Variants in DCAF17 observed in about 807,000 individuals in gnomAD.
DCAF17 encodes DDB1- and CUL4-associated factor 17.
In DCAF17, 48 loss-of-function variants were observed where a neutral mutation model predicts 66.0. That is an observed-to-expected ratio of 0.73 (90% CI 0.58 to 0.92). DCAF17 has a LOEUF of 0.92. Among genes scored for constraint, DCAF17 ranks in the 40% least tolerant of loss-of-function variants. DCAF17 has a pLI of 0.00. For synonymous variants in DCAF17, 206 were observed against 214.6 expected (o/e 0.96, Z 0.35); for missense variants, 562 against 622.8 (o/e 0.90, Z 1.04).
At chr2:171,443,421 C>T in intron 2 of DCAF17, 102 bp from the exon 3 acceptor site, 2 of 849,880 alleles carry the variant, frequency 2.4e-6, no homozygotes, top group Middle Eastern at 3.5e-4. Context: ...ATAAATTGTG[C>T]CTTGGTATTT....
chr2:171,449,293 C>A (rs973798810), intron 4 of DCAF17, among the ~76,000 whole-genome samples: 1 of 152,224 alleles, frequency 6.6e-6, no homozygotes, highest in Non-Finnish European at 1.5e-5. Context: ...CAGGCGTGAG[C>A]CATCGTGCCC....
intron 8 of DCAF17, among the ~76,000 whole-genome samples, chr2:171,466,865 C>A (rs1695934432): frequency 6.7e-6 from 1 of 150,372 alleles, no homozygotes; most frequent in Non-Finnish European, 1.5e-5. Flanking sequence ...GTATGTTTTT[C>A]TTTTAATAAT....
At chr2:171,436,964 G>C (rs1404815178) in intron 2 of DCAF17, among the ~76,000 whole-genome samples, 1 of 151,918 alleles carries the variant, frequency 6.6e-6, no homozygotes, top group Non-Finnish European at 1.5e-5. Flanking sequence ...GGTAGAGACC[G>C]GGTTTCTCCA....
intron 8 of DCAF17, among the ~76,000 whole-genome samples, chr2:171,460,670 A>G (rs539003683): frequency 1.6e-4 from 25 of 152,130 alleles, no homozygotes; most frequent in African/African-American, 5.8e-4. Flanking sequence ...AGCTGGGACT[A>G]CAGGTGCATG....
Position 171,483,996 on chromosome 2 carries a change from G to T in DCAF17, c.*2882G>T, listed in dbSNP as rs75894811. 2.2e-6 allele frequency: 1 copy of T among 453,516 alleles called. No homozygotes were observed. The highest frequency in any genetic ancestry group is 2.4e-5 in the Admixed American group (1 of 42,478). 28.1% of individuals were successfully genotyped at this position (453,516 alleles called of 1,614,324 possible). A position where few individuals can be genotyped will look rare whatever the true frequency, so the allele number is the denominator to read the frequency against. On this transcript the variant is annotated 3_prime_UTR_variant, in exon 14 of 14. Transcript: ENST00000375255. ...ATATGTAGGAAAGTGCTTAATAATCGTTTTTTACTGATGATTCAGTGTCTA... is the reference window on the plus strand; with the variant it reads ...ATATGTAGGAAAGTGCTTAATAATCTTTTTTTACTGATGATTCAGTGTCTA...
chr2:171,437,303 T>A (rs2105720113), intron 2 of DCAF17, among the ~76,000 whole-genome samples: 1 of 152,338 alleles, frequency 6.6e-6, no homozygotes, highest in East Asian at 1.9e-4. Context: ...TTTTTTAACA[T>A]GCAGCTATAC....
chr2:171,453,120 C>T lies in DCAF17; in HGVS notation c.538-4C>T, dbSNP rs775942372. 1.2e-6 allele frequency: 2 copies of T among 1,602,390 alleles called. No homozygotes were observed. Among genetic ancestry groups the T allele is most frequent in the South Asian group, 2.3e-5 (2 of 88,302 alleles). On this transcript the variant is annotated splice_region_variant and splice_polypyrimidine_tract_variant and intron_variant, in intron 5 of 13. Coordinates refer to ENST00000375255, the MANE Select transcript of DCAF17 (RefSeq NM_025000.4). Reference sequence around the variant, plus strand: ...CTGCGTGTAATTGTAGTCTTTCCTTCTAGGCAGGCATTCAACAACATGTTT... The same window carrying T: ...CTGCGTGTAATTGTAGTCTTTCCTTTTAGGCAGGCATTCAACAACATGTTT...
intron 11 of DCAF17, 86 bp downstream of exon 11, chr2:171,477,036 G>A (rs554752609): frequency 1.8e-6 from 2 of 1,088,542 alleles, no homozygotes; most frequent in East Asian, 2.5e-5. Context: ...GCCTTTGAGT[G>A]TAGCAGAAAA....
At chr2:171,479,488 C>T (rs962807832) in intron 12 of DCAF17, among the ~76,000 whole-genome samples, 2 of 152,138 alleles carry the variant, frequency 1.3e-5, no homozygotes, top group Admixed American at 6.5e-5. Flanking sequence ...AATATTCTCC[C>T]TCAAGTATAA....
intron 6 of DCAF17, among the ~76,000 whole-genome samples, chr2:171,457,751 G>A (rs904750583): frequency 9.2e-5 from 14 of 152,160 alleles, no homozygotes; most frequent in South Asian, 4.1e-4. Flanking sequence ...GATGTGTGCC[G>A]CACTTCCATT....
rs1226050897 is a variant in DCAF17, at chr2:171,483,133, G to T, written c.*2019G>T. 6 of 453,978 alleles carry T rather than the reference G, an allele frequency of 1.3e-5. No homozygotes were observed. Among genetic ancestry groups the T allele is most frequent in the Non-Finnish European group, 1.8e-5 (4 of 226,792 alleles). The allele number at this position is 453,978 out of a possible 1,614,324, so 28.1% of individuals were successfully genotyped here. ...GATAGCAAAGAATGTGGGGAATTTG[G>T]ATACCACACATAGCGAGAGACAATG... On this transcript the variant is annotated 3_prime_UTR_variant, in exon 14 of 14. Coordinates refer to ENST00000375255, the MANE Select transcript of DCAF17 (RefSeq NM_025000.4).
Position 171,473,898 on chromosome 2 carries a change from T to G in DCAF17, c.1014T>G (p.Cys338Trp). Reference sequence around the variant, plus strand: ...ATGGGATCCAAGAAATGGATTGTTGTTCTCTAGAATCTGACTGGATCTATT... The same window carrying G: ...ATGGGATCCAAGAAATGGATTGTTGGTCTCTAGAATCTGACTGGATCTATT... ...AKNGIQEMDC[C>W]SLESDWIYFH... Residue 338 changes from cysteine (C) to tryptophan (W), a missense_variant, in exon 10 of 14, where the codon TGT becomes TGG. Cys to Trp is a radical substitution (Grantham distance 215, BLOSUM62 -2). Coordinates refer to ENST00000375255, the MANE Select transcript of DCAF17 (RefSeq NM_025000.4). 1 of 1,613,868 alleles carries G rather than the reference T, an allele frequency of 6.2e-7. No individual in the cohort carries two copies. The highest frequency in any genetic ancestry group is 8.5e-7 in the Non-Finnish European group (1 of 1,179,860).
At chr2:171,472,234 C>T (rs949865158) in intron 9 of DCAF17, among the ~76,000 whole-genome samples, 1 of 152,180 alleles carries the variant, frequency 6.6e-6, no homozygotes, top group South Asian at 2.1e-4. Context: ...GGCTGGAGTG[C>T]AGTGGCACGA....
chr2:171,439,511 C>CTTTTTTTTTTTTTTTT (rs374646610), intron 2 of DCAF17, among the ~76,000 whole-genome samples: 1 of 94,774 alleles, frequency 1.1e-5, no homozygotes, highest in Non-Finnish European at 2.1e-5. Context: ...CTTTTTTTTC[C>CTTTTTTTTTTTTTTTT]TTTTTTTTTT....
In DCAF17 at chr2:171,458,054, C is replaced by A; in HGVS notation, c.711C>A (p.Ser237Arg). 1 of 1,613,978 alleles carries A rather than the reference C, an allele frequency of 6.2e-7. No individual in the cohort carries two copies. The highest frequency in any genetic ancestry group is 8.5e-7 in the Non-Finnish European group (1 of 1,179,914). The change falls in exon 7 of 14, where the codon AGC becomes AGA. Residue 237 changes from serine (S) to arginine (R), a missense_variant. Ser to Arg is a moderately radical substitution (Grantham distance 110). Transcript: ENST00000375255. The part of the protein sequence containing the change: ...MYSSGLVRLY[S>R]FQTIAEQFMQ... ...GCTCAGGACTGGTCAGACTCTATAGCTTCCAAACCATCGCTGAACAGGTAG... is the reference window on the plus strand; with the variant it reads ...GCTCAGGACTGGTCAGACTCTATAGATTCCAAACCATCGCTGAACAGGTAG...
intron 9 of DCAF17, among the ~76,000 whole-genome samples, chr2:171,470,552 T>G (rs1057273632): frequency 1.3e-5 from 2 of 152,296 alleles, no homozygotes; most frequent in Non-Finnish European, 1.5e-5. Context: ...ATCACATGGC[T>G]GCTCCTATTT....
chr2:171,436,645 T>G (rs1693979859), intron 2 of DCAF17, among the ~76,000 whole-genome samples: 1 of 152,108 alleles, frequency 6.6e-6, no homozygotes, highest in Non-Finnish European at 1.5e-5. Flanking sequence ...TTTTTTTTTT[T>G]TTTTTACAAA....
chr2:171,482,140 A>G lies in DCAF17; in HGVS notation c.*1026A>G, dbSNP rs1239965737. 1 of 448,172 alleles carries G rather than the reference A, an allele frequency of 2.2e-6. No individual in the cohort carries two copies. The highest frequency in any genetic ancestry group is 4.5e-6 in the Non-Finnish European group (1 of 224,396). The allele number at this position is 448,172 out of a possible 1,614,324, so 27.8% of individuals were successfully genotyped here. ...TTTAATAATCATTCTTTAGAATGTT[A>G]AATAAAGGCAACCCAAGTAAAGGGA... On this transcript the variant is annotated 3_prime_UTR_variant, in exon 14 of 14. Coordinates refer to ENST00000375255, the MANE Select transcript of DCAF17 (RefSeq NM_025000.4).
At chr2:171,466,727 G>GTTT (rs74268270) in intron 8 of DCAF17, among the ~76,000 whole-genome samples, 1 of 133,634 alleles carries the variant, frequency 7.5e-6, no homozygotes, top group African/African-American at 2.7e-5. Context: ...TGTTTGTACT[G>GTTT]TTTTTTTTTT....
Sources: gnomAD v4.1 joint callset for allele counts (sites outside exome capture counted in the v4.1 genomes callset) on GRCh38, gnomAD v4.1.1 for gene constraint, MANE v1.5 for transcripts, NCBI Gene and HGNC (gene_info 2026-07-23, HGNC 2026-07-21) for gene names.